The following ALK variants were observed in gnomAD, a reference collection of about 807,000 sequenced individuals.
The protein encoded by ALK is ALK receptor tyrosine kinase, also known as ALK tyrosine kinase receptor.
A neutral mutation model predicts 163.1 loss-of-function variants in ALK; 74 were observed. The observed-to-expected ratio is 0.45, with a 90% CI of 0.38 to 0.55. The LOEUF (loss-of-function observed/expected upper bound fraction) is 0.55. ALK is among the 20% of genes least tolerant of loss of function. The pLI is 0.00. For synonymous variants in ALK, 960 were observed against 843.2 expected (o/e 1.14, Z -2.40); for missense variants, 2,063 against 2,105.3 (o/e 0.98, Z 0.39).
intron 22 of ALK, chr2:29,221,277 C>A: frequency 1.9e-6 from 1 of 516,776 alleles, no homozygotes; most frequent in South Asian, 1.6e-5. Context: ...TGAAACAGAG[C>A]CAGCAAAAGG....
chr2:29,707,483 G>A (rs892388463), intron 2 of ALK, among the ~76,000 whole-genome samples: 14 of 152,192 alleles, frequency 9.2e-5, no homozygotes, highest in Non-Finnish European at 1.8e-4. Context: ...AAGGTCCACA[G>A]AAAAAGCAAC....
rs770367467 is a variant in ALK, at chr2:29,618,823, A to C, written c.952+76027T>G. Among the ~76,000 whole-genome samples the C allele has an allele frequency of 2.0e-5, 3 of 152,168 alleles. No individual in the cohort carries two copies. The East Asian group carries it at 5.8e-4, about 29-fold the overall frequency. The stretch of plus-strand genomic sequence containing the variant: ...CTGAAACCCCATCTCTACTAAAAAT[A>C]CAAAAATTAGCTGGGGGTGGTGGCG... On this transcript the variant is annotated intron_variant, in intron 3 of 28. Transcript: ENST00000389048.
intron 3 of ALK, among the ~76,000 whole-genome samples, chr2:29,690,538 C>T (rs1200822026): frequency 6.6e-6 from 1 of 152,108 alleles, no homozygotes; most frequent in Non-Finnish European, 1.5e-5. Context: ...GACTATATTC[C>T]AAAACACCGG....
At chr2:29,714,893 C>A (rs561563765) in intron 2 of ALK, among the ~76,000 whole-genome samples, 1 of 152,266 alleles carries the variant, frequency 6.6e-6, no homozygotes, top group Non-Finnish European at 1.5e-5. Context: ...TTAAGGGGAC[C>A]AGACTCTTGG....
intron 1 of ALK, among the ~76,000 whole-genome samples, chr2:29,897,681 C>T (rs1462325736): frequency 1.3e-5 from 2 of 152,186 alleles, no homozygotes; most frequent in Non-Finnish European, 2.9e-5. Context: ...AATCTCTCCT[C>T]CTTCTACCTA....
chr2:29,848,455 C>T (rs1665904265), intron 1 of ALK, among the ~76,000 whole-genome samples: 1 of 152,034 alleles, frequency 6.6e-6, no homozygotes, highest in South Asian at 2.1e-4. Context: ...ACCATACCAC[C>T]TTCAAGGTAA....
At chr2:29,694,434 A>G (rs1558445792) in intron 3 of ALK, among the ~76,000 whole-genome samples, 1 of 152,332 alleles carries the variant, frequency 6.6e-6, no homozygotes, top group East Asian at 1.9e-4. Context: ...GTAAAATTGG[A>G]GTAGTTCTTA....
At chr2:29,739,099 C>T (rs905934654) in intron 1 of ALK, among the ~76,000 whole-genome samples, 1 of 151,456 alleles carries the variant, frequency 6.6e-6, no homozygotes, top group Non-Finnish European at 1.5e-5. Context: ...AATAGCCAGG[C>T]ATAGTGGCAC....
chr2:29,341,582 T>C (rs1444335259), intron 5 of ALK, among the ~76,000 whole-genome samples: 1 of 152,112 alleles, frequency 6.6e-6, no homozygotes, highest in Non-Finnish European at 1.5e-5. Flanking sequence ...TGATTGTGCT[T>C]TTGCATTCCA....
rs1437108645 is a variant in ALK at position 29,193,002 on chromosome 2, C to T, written c.*222G>A. The T allele has an allele frequency of 3.5e-6, 2 of 574,816 alleles. No homozygotes were observed. The highest frequency in any genetic ancestry group is 6.2e-6 in the Non-Finnish European group (2 of 323,210). The allele number at this position is 574,816 out of a possible 1,614,324, so 35.6% of individuals were successfully genotyped here. A position where few individuals can be genotyped will look rare whatever the true frequency, so the allele number is the denominator to read the frequency against. Reference sequence around the variant, plus strand: ...CCACATCTGGGCCTTGTATTTATCACTCATTTTTATGATATTTTCTTCTTT... The same window carrying T: ...CCACATCTGGGCCTTGTATTTATCATTCATTTTTATGATATTTTCTTCTTT... On this transcript the variant is annotated 3_prime_UTR_variant, in exon 29 of 29. Transcript: ENST00000389048.
At chr2:29,387,980 A>G (rs527982171) in intron 4 of ALK, among the ~76,000 whole-genome samples, 1 of 152,232 alleles carries the variant, frequency 6.6e-6, no homozygotes, top group Non-Finnish European at 1.5e-5. Context: ...GAATATGTCT[A>G]CTTAGCATTG....
At chr2:29,918,104 G>A (rs1667883923) in intron 1 of ALK, among the ~76,000 whole-genome samples, 1 of 152,164 alleles carries the variant, frequency 6.6e-6, no homozygotes, top group African/African-American at 2.4e-5. Context: ...TTCTTTAAAT[G>A]AATTAAGCAT....
rs182862580 is a variant in ALK, at chr2:29,506,412, A to G, written c.1154+25503T>C. ...GATCAGGTATAAACAGGGTGAGCTC[A>G]TCAGGGGATAATGCTTTGCACTTTT... On this transcript the variant is annotated intron_variant, in intron 4 of 28. Transcript: ENST00000389048. 1.0e-3 allele frequency among the ~76,000 whole-genome samples: 156 copies of G among 152,334 alleles called. 1 individual carries two copies. Among genetic ancestry groups the G allele is most frequent in the African/African-American group, 3.4e-3 (142 of 41,578 alleles).
intron 23 of ALK, among the ~76,000 whole-genome samples, chr2:29,217,377 G>T: frequency 6.9e-6 from 1 of 145,120 alleles, no homozygotes; most frequent in Non-Finnish European, 1.5e-5. Flanking sequence ...TCTGGGAGGG[G>T]CTGTGTGCAT....
intron 4 of ALK, among the ~76,000 whole-genome samples, chr2:29,412,660 C>T (rs1403626804): frequency 6.6e-6 from 1 of 152,122 alleles, no homozygotes; most frequent in East Asian, 1.9e-4. Context: ...GCAGAGTCAC[C>T]ACTCACACAT....
At chr2:29,448,493 A>T (rs1189086317) in intron 4 of ALK, among the ~76,000 whole-genome samples, 1 of 152,114 alleles carries the variant, frequency 6.6e-6, no homozygotes, top group African/African-American at 2.4e-5. Flanking sequence ...GCCATGCAAC[A>T]TTTTTTACAG....
chr2:29,442,148 T>C (rs1253673027), intron 4 of ALK, among the ~76,000 whole-genome samples: 1 of 151,858 alleles, frequency 6.6e-6, no homozygotes, highest in Non-Finnish European at 1.5e-5. Context: ...TCTCTTCCAC[T>C]CCATTATAAT....
intron 8 of ALK, among the ~76,000 whole-genome samples, chr2:29,311,406 G>A (rs570514215): frequency 6.6e-6 from 1 of 152,280 alleles, no homozygotes; most frequent in South Asian, 2.1e-4. Context: ...TCTTCCTAGG[G>A]GTACCCAAAG....
In ALK at chr2:29,434,469, A is replaced by G. The variant is rs374553992; in HGVS notation, c.1155-50610T>C. On this transcript the variant is annotated intron_variant, in intron 4 of 28. Transcript: ENST00000389048. ...GGCTAAAATGGAAACACGTTCATCA[A>G]TTTAAGCCCTGGCTTGCCATAATGT... 2.6e-4 allele frequency among the ~76,000 whole-genome samples: 39 copies of G among 152,354 alleles called. 1 individual carries two copies. Among genetic ancestry groups the G allele is most frequent in the African/African-American group, 9.1e-4 (38 of 41,588 alleles).
Sources: gnomAD v4.1 joint callset for allele counts (sites outside exome capture counted in the v4.1 genomes callset) on GRCh38, gnomAD v4.1.1 for gene constraint, MANE v1.5 for transcripts, NCBI Gene and HGNC (gene_info 2026-07-23, HGNC 2026-07-21) for gene names.